Variants in TBCE observed in about 807,000 individuals in gnomAD.
TBCE encodes the protein tubulin folding cofactor E, also known as tubulin-specific chaperone E.
In TBCE, 53 loss-of-function variants were observed where a neutral mutation model predicts 77.0. The ratio of observed to expected loss-of-function variants is 0.69; its 90% CI spans 0.55 to 0.87. TBCE has a LOEUF of 0.87. TBCE is among the 40% of genes least tolerant of loss of function. The pLI is 0.00. For synonymous variants in TBCE, 235 were observed against 241.3 expected (o/e 0.97, Z 0.24); for missense variants, 624 against 622.4 (o/e 1.00, Z -0.03).
At chr1:235,434,329 T>C (rs1456180104) in intron 8 of TBCE, 49 bp downstream of exon 8, 2 of 1,492,260 alleles carry the variant, frequency 1.3e-6, no homozygotes, top group Admixed American at 1.7e-5. Flanking sequence ...ATCATCATTC[T>C]GAGTAAATAA....
At chr1:235,440,641 G>A (rs961388010) in intron 13 of TBCE, among the ~76,000 whole-genome samples, 6 of 150,406 alleles carry the variant, frequency 4.0e-5, no homozygotes, top group Admixed American at 1.3e-4. Flanking sequence ...TGATTCGCCC[G>A]CCTCAGCCTC....
intron 11 of TBCE, among the ~76,000 whole-genome samples, 195 bp from the exon 12 acceptor site, chr1:235,437,127 C>CA (rs1297195983): frequency 5.3e-5 from 8 of 151,440 alleles, no homozygotes; most frequent in Admixed American, 4.6e-4. Context: ...AACTCCATCT[C>CA]AAAAAACAAA....
intron 5 of TBCE, among the ~76,000 whole-genome samples, chr1:235,421,456 C>A (rs1370089341): frequency 6.6e-6 from 1 of 152,018 alleles, no homozygotes; most frequent in African/African-American, 2.4e-5. Context: ...GCCTGTAATC[C>A]CAGTACTTTG....
At chr1:235,413,383 T>A (rs1257093003) in intron 3 of TBCE, among the ~76,000 whole-genome samples, 1 of 150,116 alleles carries the variant, frequency 6.7e-6, no homozygotes, top group African/African-American at 2.4e-5. Flanking sequence ...AAAAAAAAAT[T>A]AGGCGTGGTG....
At chr1:235,444,141 G>C (rs917847907) in intron 15 of TBCE, among the ~76,000 whole-genome samples, 2 of 152,108 alleles carry the variant, frequency 1.3e-5, no homozygotes, top group African/African-American at 4.8e-5. Flanking sequence ...AGCTTATCAT[G>C]GTATTGCTTA....
chr1:235,388,369 A>G (rs1558353182), intron 2 of TBCE, among the ~76,000 whole-genome samples: 1 of 147,972 alleles, frequency 6.8e-6, no homozygotes, highest in Non-Finnish European at 1.5e-5. Context: ...GCTCACTGCA[A>G]CCTCCGCCTC....
intron 2 of TBCE, among the ~76,000 whole-genome samples, chr1:235,391,946 G>A (rs894513538): frequency 3.3e-5 from 5 of 151,654 alleles, no homozygotes; most frequent in East Asian, 1.9e-4. Context: ...AATTATATAC[G>A]GAGTAGCATT....
At chr1:235,396,090 C>T (rs747123655) in intron 2 of TBCE, among the ~76,000 whole-genome samples, 1 of 151,610 alleles carries the variant, frequency 6.6e-6, no homozygotes, top group Non-Finnish European at 1.5e-5. Flanking sequence ...GACAGAGTCT[C>T]GCTTTGCCGC....
At chr1:235,401,445 A>T in intron 2 of TBCE, 58 bp from the exon 3 acceptor site, 1 of 1,461,022 alleles carries the variant, frequency 6.8e-7, no homozygotes, top group Non-Finnish European at 9.6e-7. Flanking sequence ...CTTGCAGAAA[A>T]CTGGAGCATT....
At chr1:235,385,535 CTCT>C (rs1313175716) in intron 2 of TBCE, among the ~76,000 whole-genome samples, 1 of 152,052 alleles carries the variant, frequency 6.6e-6, no homozygotes, top group Non-Finnish European at 1.5e-5. Context: ...GGATAGTTAG[CTCT>C]TCTTGTTGAA....
rs1553340563 is a variant in TBCE, at chr1:235,442,931, C to T, written c.1399+20C>T. 1.2e-6 allele frequency: 2 copies of T among 1,613,628 alleles called. No homozygotes were observed. Among genetic ancestry groups the T allele is most frequent in the South Asian group, 1.1e-5 (1 of 91,042 alleles). The stretch of plus-strand genomic sequence containing the variant: ...TGCCGGGTAAGAAGAACCAGCCTGT[C>T]TTTTCCTTAAACTCTGAATCATCGG... On this transcript the variant is annotated intron_variant, in intron 15 of 16. Transcript: ENST00000642610.
intron 15 of TBCE, among the ~76,000 whole-genome samples, chr1:235,444,665 AAAGTGCTGGGGTTATAGGT>A (rs1310380816): frequency 6.6e-6 from 1 of 152,172 alleles, no homozygotes; most frequent in Non-Finnish European, 1.5e-5. Context: ...ATCACCTCCC[AAAGTGCTGGGGTTATAGGT>A]GTGAGCCACC....
chr1:235,415,632 GTTA>G (rs1172892664), intron 4 of TBCE: 2 of 152,004 alleles, frequency 1.3e-5, no homozygotes, highest in African/African-American at 4.8e-5. Flanking sequence ...ACTATCTTTT[GTTA>G]TTGTTGTTAT....
At chr1:235,445,948 G>A (rs1682238515) in intron 15 of TBCE, among the ~76,000 whole-genome samples, 5 of 152,098 alleles carry the variant, frequency 3.3e-5, no homozygotes, top group African/African-American at 9.7e-5. Flanking sequence ...CTAGAGCTGC[G>A]CTGTCCAGTG....
At chr1:235,378,996 G>A (rs926994139) in intron 1 of TBCE, among the ~76,000 whole-genome samples, 12 of 152,218 alleles carry the variant, frequency 7.9e-5, no homozygotes, top group Non-Finnish European at 1.6e-4. Flanking sequence ...ATCTGATACT[G>A]TTGCTTGATT....
chr1:235,434,269 C>T lies in TBCE; in HGVS notation c.726C>T (p.Phe242=). ...EELYLESNNI[F]ISERPTDVLQ... is the part of the protein sequence containing the mutation. ...TCTACCTTGAGTCTAACAACATTTT[C>T]ATTTCCGAAAGGTAACTAGCACTTA... Residue 242 remains phenylalanine (F), a synonymous_variant, in exon 8 of 17, where the codon TTC becomes TTT. Transcript: ENST00000642610. 1 of 1,614,016 alleles carries T rather than the reference C, an allele frequency of 6.2e-7. No individual in the cohort carries two copies. Among genetic ancestry groups the T allele is most frequent in the Non-Finnish European group, 8.5e-7 (1 of 1,179,910 alleles).
In TBCE at chr1:235,369,604, C is replaced by T. The variant is rs189225797; in HGVS notation, c.-32+2100C>T. Among the ~76,000 whole-genome samples, 210 of 151,726 alleles carry T rather than the reference C, an allele frequency of 1.4e-3. 1 individual carries two copies. The highest frequency in any genetic ancestry group is 4.7e-3 in the African/African-American group (194 of 41,402). ...TGGGAGGCCAAGACTGGTGGATCACCTGAGGTCAAGTGTTCAAGACCAGCC... is the reference window on the plus strand; with the variant it reads ...TGGGAGGCCAAGACTGGTGGATCACTTGAGGTCAAGTGTTCAAGACCAGCC... On this transcript the variant is annotated intron_variant, in intron 1 of 16. Transcript: ENST00000642610.
intron 1 of TBCE, 21 bp from the exon 2 acceptor site, chr1:235,379,998 G>T: frequency 2.2e-6 from 3 of 1,386,682 alleles, no homozygotes; most frequent in Non-Finnish European, 3.1e-6. Context: ...GTTCTTATCA[G>T]TGTTGTATTT....
intron 2 of TBCE, among the ~76,000 whole-genome samples, chr1:235,386,388 G>A (rs1212692084): frequency 6.6e-5 from 10 of 152,210 alleles, no homozygotes; most frequent in Non-Finnish European, 1.3e-4. Context: ...ATATCCTGCA[G>A]AGTGTTTTCC....
Sources: gnomAD v4.1 joint callset for allele counts (sites outside exome capture counted in the v4.1 genomes callset) on GRCh38, gnomAD v4.1.1 for gene constraint, MANE v1.5 for transcripts, NCBI Gene and HGNC (gene_info 2026-07-23, HGNC 2026-07-21) for gene names.